The following CLCN3 variants were observed in gnomAD, a reference collection of about 807,000 sequenced individuals.
CLCN3 encodes the protein H(+)/Cl(-) exchange transporter 3.
Under a neutral mutation model 83.4 loss-of-function variants are expected in CLCN3, and 16 were observed. That is an observed-to-expected ratio of 0.19 (90% CI 0.13 to 0.29). The LOEUF is 0.29. Among genes scored for constraint, CLCN3 ranks in the 10% least tolerant of loss-of-function variants. The probability of loss-of-function intolerance (pLI) is 1.00; values close to 1 mark genes in which losing one functional copy is unlikely to be tolerated. For missense variants in CLCN3, 544 were observed against 1,006.0 expected (o/e 0.54, Z 6.21); for synonymous variants, 322 against 346.2 (o/e 0.93, Z 0.78).
intron 5 of CLCN3, among the ~76,000 whole-genome samples, chr4:169,690,076 T>C (rs1732304728): frequency 6.6e-6 from 1 of 152,130 alleles, no homozygotes; most frequent in African/African-American, 2.4e-5. Flanking sequence ...ATATAAAGTT[T>C]TTATTATTGT....
intron 2 of CLCN3, among the ~76,000 whole-genome samples, chr4:169,658,337 C>T (rs936293201): frequency 2.0e-5 from 3 of 151,744 alleles, no homozygotes; most frequent in Non-Finnish European, 2.9e-5. Context: ...TTTATTTTAC[C>T]GGGAGGATTT....
chr4:169,659,167 T>C (rs1730971115), intron 2 of CLCN3, among the ~76,000 whole-genome samples: 1 of 152,180 alleles, frequency 6.6e-6, no homozygotes, highest in South Asian at 2.1e-4. Context: ...TGTTGTTGTT[T>C]AGTGACACTG....
At chr4:169,636,228 A>C in intron 2 of CLCN3, 140 bp downstream of exon 2, 1 of 746,878 alleles carries the variant, frequency 1.3e-6, no homozygotes, top group South Asian at 2.0e-5. Flanking sequence ...TAACCATTGT[A>C]AAGTGTGGAA....
rs769424677 is a variant in CLCN3, at chr4:169,636,074, G to A, written c.146G>A (p.Gly49Asp). 3.5e-5 allele frequency: 56 copies of A among 1,611,862 alleles called. No homozygotes were observed. Among genetic ancestry groups the A allele is most frequent in the Non-Finnish European group, 4.1e-5 (48 of 1,179,038 alleles). Residue 49 changes from glycine to aspartate, a missense_variant, in exon 2 of 13, where the codon GGT becomes GAT. By Grantham distance (94) the Gly-to-Asp change is moderately conservative. Transcript: ENST00000513761. ...QTSEDDNLLD[G>D]DTAVGTHYTM... is the part of the protein sequence containing the mutation. The stretch of plus-strand genomic sequence containing the variant: ...TCTGAAGATGACAATTTATTAGATG[G>A]TGACACTGCAGTTGGTAAGTTCAGC...
At position 169,720,884 on chromosome 4, in the gene CLCN3, A is replaced by G. The variant is rs528565044; in HGVS notation, c.*887A>G. 6 of 152,792 alleles carry G rather than the reference A, an allele frequency of 3.9e-5. No individual in the cohort carries two copies. In the East Asian group the frequency reaches 7.7e-4, roughly 20 times the overall value. The allele number at this position is 152,792 out of a possible 1,614,324, so 9.5% of individuals were successfully genotyped here. On this transcript the variant is annotated 3_prime_UTR_variant, in exon 13 of 13. Transcript: ENST00000513761. ...TGTTTTCCTCTCAGACTTTATGGATAATGTGACCGGGTCTTATGCAAATTT... is the reference window on the plus strand; with the variant it reads ...TGTTTTCCTCTCAGACTTTATGGATGATGTGACCGGGTCTTATGCAAATTT...
Position 169,692,110 on chromosome 4 carries a change from G to T in CLCN3, c.730-4G>T. On this transcript the variant is annotated splice_polypyrimidine_tract_variant and splice_region_variant and intron_variant, in intron 6 of 12. Transcript: ENST00000513761. ...ATTAAGCTGCCTTAATCTTTGCCTT[G>T]TAGATTAAAACTATTTTAAGTGGAT... is the stretch of plus-strand genomic sequence containing the variant. 6.5e-7 allele frequency: 1 copy of T among 1,543,210 alleles called. No individual in the cohort carries two copies. Among genetic ancestry groups the T allele is most frequent in the Non-Finnish European group, 8.9e-7 (1 of 1,117,768 alleles).
chr4:169,710,342 T>A (rs1186685064), intron 11 of CLCN3, among the ~76,000 whole-genome samples: 1 of 152,214 alleles, frequency 6.6e-6, no homozygotes, highest in Non-Finnish European at 1.5e-5. Flanking sequence ...TTGGCTTACT[T>A]GATCCTCGAC....
intron 2 of CLCN3, among the ~76,000 whole-genome samples, chr4:169,672,115 G>A (rs1213536920): frequency 3.3e-5 from 5 of 152,152 alleles, no homozygotes; most frequent in South Asian, 4.2e-4. Context: ...GGGAGGCTGA[G>A]GCAGGAGAAT....
chr4:169,714,785 C>T (rs1174539741), intron 12 of CLCN3, among the ~76,000 whole-genome samples: 1 of 151,742 alleles, frequency 6.6e-6, no homozygotes, highest in East Asian at 1.9e-4. Flanking sequence ...GAGATAAAGC[C>T]CTTAAAGGCA....
chr4:169,698,306 CTTCA>C (rs1162454600), intron 9 of CLCN3, among the ~76,000 whole-genome samples: 1 of 152,138 alleles, frequency 6.6e-6, no homozygotes, highest in Non-Finnish European at 1.5e-5. Flanking sequence ...TCAAAGACTT[CTTCA>C]TTCATGACTA....
chr4:169,628,759 TATGTG>T (rs1209483429), intron 1 of CLCN3, among the ~76,000 whole-genome samples: 2 of 152,222 alleles, frequency 1.3e-5, no homozygotes, highest in Non-Finnish European at 2.9e-5. Context: ...AAAAAACAAA[TATGTG>T]ACTACTGTAT....
chr4:169,691,061 C>T (rs1732352698), intron 6 of CLCN3, among the ~76,000 whole-genome samples: 1 of 152,014 alleles, frequency 6.6e-6, no homozygotes, highest in African/African-American at 2.4e-5. Context: ...TGCAGTGGCG[C>T]AATCTCAGCT....
At chr4:169,698,044 T>G (rs1266203417) in intron 9 of CLCN3, among the ~76,000 whole-genome samples, 1 of 152,328 alleles carries the variant, frequency 6.6e-6, no homozygotes, top group Non-Finnish European at 1.5e-5. Flanking sequence ...TAGTTGTTAT[T>G]AGACATGGCG....
Position 169,636,001 on chromosome 4 carries a change from G to A in CLCN3, c.73G>A (p.Asp25Asn). The A allele has an allele frequency of 6.2e-7, 1 of 1,613,534 alleles. No individual in the cohort carries two copies. Among genetic ancestry groups the A allele is most frequent in the Non-Finnish European group, 8.5e-7 (1 of 1,179,654 alleles). ...CAACAGTATAACAAGTGCAAGTAGT[G>A]ATGAGGAACTTTTAGATGGAGCAGG... is the stretch of plus-strand genomic sequence containing the variant. ...SYNSITSASS[D>N]EELLDGAGVI... The change falls in exon 2 of 13, where the codon GAT becomes AAT. Residue 25 changes from aspartate (D) to asparagine (N), a missense_variant. Physicochemically the swap from Asp to Asn is conservative, Grantham distance 23. Around this residue, in one of 6 missense-constraint regions of CLCN3, gnomAD observed 77 missense variants for 92.8 expected, o/e 0.83. Coordinates refer to ENST00000513761, the MANE Select transcript of CLCN3 (RefSeq NM_001829.4).
chr4:169,684,411 G>A (rs1732071553), intron 3 of CLCN3, among the ~76,000 whole-genome samples: 1 of 152,012 alleles, frequency 6.6e-6, no homozygotes, highest in Non-Finnish European at 1.5e-5. Flanking sequence ...GTGTCTTCAT[G>A]GACTCATGGA....
chr4:169,654,011 C>T (rs1047867074), intron 2 of CLCN3, among the ~76,000 whole-genome samples: 2 of 152,098 alleles, frequency 1.3e-5, no homozygotes, highest in Non-Finnish European at 2.9e-5. Context: ...TATCAGATAG[C>T]CAGTTGTCCC....
chr4:169,663,322 TGTTG>T lies in CLCN3; in HGVS notation c.161-16727_161-16724del, dbSNP rs1166545481. Among the ~76,000 whole-genome samples, 491 of 88,692 alleles carry T rather than the reference TGTTG, an allele frequency of 5.5e-3. 3 individuals carry two copies. Among genetic ancestry groups the T allele is most frequent in the African/African-American group, 0.021 (417 of 19,858 alleles). 58.2% of individuals were successfully genotyped at this position (88,692 alleles called of 152,430 possible). A position where few individuals can be genotyped will look rare whatever the true frequency, so the allele number is the denominator to read the frequency against. ...TGTCCTAAGTGGGTTTTTTTGTTGT[TGTTG>T]TTGTTGTTGTTGTTGTTGTTTTCTT... On this transcript the variant is annotated intron_variant, in intron 2 of 12. Coordinates refer to ENST00000513761, the MANE Select transcript of CLCN3 (RefSeq NM_001829.4).
intron 12 of CLCN3, among the ~76,000 whole-genome samples, chr4:169,718,561 A>G (rs1157914090): frequency 1.3e-5 from 2 of 152,220 alleles, no homozygotes; most frequent in East Asian, 3.8e-4. Context: ...CAGCTTTTAG[A>G]GTCAAATGCA....
intron 11 of CLCN3, among the ~76,000 whole-genome samples, chr4:169,710,103 A>G (rs1394440999): frequency 6.6e-6 from 1 of 152,174 alleles, no homozygotes; most frequent in East Asian, 1.9e-4. Flanking sequence ...CTTGTTTTTT[A>G]AATTTTATTT....
Sources: allele counts gnomAD v4.1 joint callset (sites outside exome capture counted in the v4.1 genomes callset), GRCh38; gene constraint gnomAD v4.1.1; regional missense constraint gnomAD v4.1.1; transcripts MANE v1.5; gene names NCBI Gene and HGNC (gene_info 2026-07-23, HGNC 2026-07-21).